Variants in PTK6 observed in about 807,000 individuals in gnomAD.
PTK6 encodes the protein protein-tyrosine kinase 6.
Under a neutral mutation model 47.5 loss-of-function variants are expected in PTK6, and 47 were observed. The observed-to-expected ratio is 0.99, with a 90% CI of 0.78 to 1.26. The LOEUF (loss-of-function observed/expected upper bound fraction) is 1.26. Ranked by LOEUF, PTK6 falls within the 50% of genes most tolerant of loss-of-function variation. PTK6 has a pLI of 0.00. For missense variants in PTK6, 618 were observed against 625.3 expected (o/e 0.99, Z 0.12); for synonymous variants, 287 against 276.5 (o/e 1.04, Z -0.38).
At position 63,529,357 on chromosome 20, in the gene PTK6, A is replaced by T; in HGVS notation, c.*179T>A. 3 of 651,350 alleles carry T rather than the reference A, an allele frequency of 4.6e-6. No individual in the cohort carries two copies. The highest frequency in any genetic ancestry group is 7.2e-6 in the Non-Finnish European group (3 of 414,102). 40.3% of individuals were successfully genotyped at this position (651,350 alleles called of 1,614,324 possible). On this transcript the variant is annotated 3_prime_UTR_variant, in exon 8 of 8. Coordinates refer to ENST00000542869, the MANE Select transcript of PTK6 (RefSeq NM_005975.4). This position sits in a 1 kb window ranked among gnomAD's most constrained non-coding sequence, Gnocchi z 5.6. ...GCAGCTGAGACCCAAGGCACACACG[A>T]TGGAGTAAGGAGAGGAGCACACGCG...
In PTK6 at chr20:63,537,067, G is replaced by A. The variant is rs1371989636; in HGVS notation, c.230+18C>T. The stretch of plus-strand genomic sequence containing the variant: ...AGGGTGGCCTGTGCCAAAGCTCCCA[G>A]CAGCCTAGGACACGCACGGTTCCGA... On this transcript the variant is annotated intron_variant, in intron 1 of 7. Coordinates refer to ENST00000542869, the MANE Select transcript of PTK6 (RefSeq NM_005975.4). The A allele has an allele frequency of 6.3e-7, 1 of 1,591,362 alleles. No homozygotes were observed. Among genetic ancestry groups the A allele is most frequent in the South Asian group, 1.1e-5 (1 of 88,156 alleles).
rs1337620471 is a variant in PTK6 at position 63,534,937 on chromosome 20, C to T, written c.352+1G>A. On this transcript the variant is annotated splice_donor_variant, in intron 2 of 7. Coordinates refer to ENST00000542869, the MANE Select transcript of PTK6 (RefSeq NM_005975.4). LOFTEE classifies it high-confidence loss of function. Reference sequence around the variant, plus strand: ...CACAGGCTCGGAGGCCGGGGCCGCACCCGACAGGACGTAGTCGGCACTCGG... The same window carrying T: ...CACAGGCTCGGAGGCCGGGGCCGCATCCGACAGGACGTAGTCGGCACTCGG... 1 of 1,595,294 alleles carries T rather than the reference C, an allele frequency of 6.3e-7. No homozygotes were observed. Among genetic ancestry groups the T allele is most frequent in the Admixed American group, 1.7e-5 (1 of 59,234 alleles).
chr20:63,537,038 C>T, intron 1 of PTK6, 47 bp downstream of exon 1: 11 of 1,545,612 alleles, frequency 7.1e-6, no homozygotes, highest in Non-Finnish European at 9.6e-6. Flanking sequence ...TCCCCTGTGC[C>T]TAGAGGGTGG....
chr20:63,535,834 G>GC (rs1362322038), intron 1 of PTK6, among the ~76,000 whole-genome samples: 2 of 18,562 alleles, frequency 1.1e-4, no homozygotes, highest in Admixed American at 1.1e-3. Flanking sequence ...CTGGCCTCCC[G>GC]CCCCCCCCCT....
At chr20:63,534,398 A>G in intron 2 of PTK6, 83 bp from the exon 3 acceptor site, 1 of 1,460,046 alleles carries the variant, frequency 6.8e-7, no homozygotes, top group Non-Finnish European at 9.1e-7. Flanking sequence ...ACACCTGCGC[A>G]GAGTTTCTGG....
At position 63,530,668 on chromosome 20, in the gene PTK6, A is replaced by T; in HGVS notation, c.1014+78T>A. On this transcript the variant is annotated intron_variant, in intron 6 of 7. Transcript: ENST00000542869. The surrounding 1 kb of genome is among the most constrained non-coding windows in gnomAD (Gnocchi z 4.1). ...GCATCCTGCTCCCAGCCGAGTCCCC[A>T]GCTCCACACACAGGAAGCCCCCAGC... The T allele has an allele frequency of 6.6e-7, 1 of 1,511,284 alleles. No individual in the cohort carries two copies. The highest frequency in any genetic ancestry group is 2.1e-5 in the Admixed American group (1 of 47,568). The allele number at this position is 1,511,284 out of a possible 1,614,324, so 93.6% of individuals were successfully genotyped here. A position where few individuals can be genotyped will look rare whatever the true frequency, so the allele number is the denominator to read the frequency against.
intron 2 of PTK6, 35 bp downstream of exon 2, chr20:63,534,902 CG>C: frequency 6.4e-7 from 1 of 1,567,294 alleles, no homozygotes; most frequent in Non-Finnish European, 8.7e-7. Context: ...CAGGAGCCCC[CG>C]CAGGCAAGCA....
intron 5 of PTK6, 119 bp downstream of exon 5, chr20:63,532,407 G>T: frequency 7.8e-7 from 1 of 1,276,956 alleles, no homozygotes; most frequent in Non-Finnish European, 1.1e-6. Context: ...GTGCATGTGT[G>T]TGTCTGTGTG....
Position 63,528,560 on chromosome 20 carries a change from C to G in PTK6, c.*976G>C, listed in dbSNP as rs939824666. ...TAGCTGGGACTACAGGCGCCCACCC[C>G]CACCACCACACCCAGCTAATTTTTT... On this transcript the variant is annotated 3_prime_UTR_variant, in exon 8 of 8. Coordinates refer to ENST00000542869, the MANE Select transcript of PTK6 (RefSeq NM_005975.4). The G allele has an allele frequency of 6.6e-6, 1 of 152,034 alleles. No homozygotes were observed. Among genetic ancestry groups the G allele is most frequent in the African/African-American group, 2.4e-5 (1 of 41,374 alleles). 9.4% of individuals were successfully genotyped at this position (152,034 alleles called of 1,614,324 possible).
At position 63,530,643 on chromosome 20, in the gene PTK6, G is replaced by A. The variant is rs2082610842; in HGVS notation, c.1014+103C>T. On this transcript the variant is annotated intron_variant, in intron 6 of 7. Coordinates refer to ENST00000542869, the MANE Select transcript of PTK6 (RefSeq NM_005975.4). This position sits in a 1 kb window ranked among gnomAD's most constrained non-coding sequence, Gnocchi z 4.1. ...GCCTGGGCTCCCGAGGGCAGGGGCC[G>A]CATCCTGCTCCCAGCCGAGTCCCCA... 1.7e-5 allele frequency: 24 copies of A among 1,385,118 alleles called. No homozygotes were observed. The highest frequency in any genetic ancestry group is 7.9e-5 in the South Asian group (6 of 75,488). 85.8% of individuals were successfully genotyped at this position (1,385,118 alleles called of 1,614,324 possible). A position where few individuals can be genotyped will look rare whatever the true frequency, so the allele number is the denominator to read the frequency against.
rs1387038117 is a variant in PTK6 at position 63,529,671 on chromosome 20, G to C, written c.1221C>G (p.Pro407=). The C allele has an allele frequency of 6.5e-7, 1 of 1,546,882 alleles. No individual in the cohort carries two copies. The highest frequency in any genetic ancestry group is 1.4e-5 in the African/African-American group (1 of 72,756). The change falls in exon 8 of 8, where the codon CCC becomes CCG. Residue 407 remains proline, a synonymous_variant. Transcript: ENST00000542869. This position sits in a 1 kb window ranked among gnomAD's most constrained non-coding sequence, Gnocchi z 5.6. ...FLRVDAGYRM[P]CPLECPPSVH... The stretch of plus-strand genomic sequence containing the variant: ...CGCTGGGCGGGCACTCCAGAGGGCA[G>C]GGCATGCGGTAGCCGGCGTCCACCC...
chr20:63,529,969 G>A lies in PTK6; in HGVS notation c.1168+109C>T, dbSNP rs1386706961. The stretch of plus-strand genomic sequence containing the variant: ...GTGTGGAGTTCAGGCGATGGCCCGC[G>A]GAGGGCCCTGAAGCCCGTGGGGGAG... On this transcript the variant is annotated intron_variant, in intron 7 of 7. Coordinates refer to ENST00000542869, the MANE Select transcript of PTK6 (RefSeq NM_005975.4). The surrounding 1 kb of genome is among the most constrained non-coding windows in gnomAD (Gnocchi z 5.6). The A allele has an allele frequency of 2.8e-5, 38 of 1,376,464 alleles. No individual in the cohort carries two copies. The highest frequency in any genetic ancestry group is 3.9e-4 in the Middle Eastern group (2 of 5,124). 85.3% of individuals were successfully genotyped at this position (1,376,464 alleles called of 1,614,324 possible).
rs1356610633 is a variant in PTK6, at chr20:63,533,869, C to T, written c.517-165G>A. On this transcript the variant is annotated intron_variant, in intron 3 of 7. Transcript: ENST00000542869. The surrounding 1 kb of genome is among the most constrained non-coding windows in gnomAD (Gnocchi z 4.0). ...CAAGGGTGGACTCTCCTGGGGGCTG[C>T]CCCCAGCCCAGCATGAAACACCCAG... Among the ~76,000 whole-genome samples, 3 of 152,108 alleles carry T rather than the reference C, an allele frequency of 2.0e-5. No individual in the cohort carries two copies. Among genetic ancestry groups the T allele is most frequent in the East Asian group, 1.9e-4 (1 of 5,182 alleles).
Position 63,532,601 on chromosome 20 carries a change from C to A in PTK6, c.757G>T (p.Val253Leu). Reference protein sequence around the residue: ...RHKHILALYAVVSVGDPVYII... With the variant: ...RHKHILALYALVSVGDPVYII... The stretch of plus-strand genomic sequence containing the variant: ...TACACGGGGTCCCCCACGGACACCA[C>A]GGCGTACAGCGCCAGGATGTGTTTG... The change falls in exon 5 of 8, where the codon GTG becomes TTG. Residue 253 changes from valine (V) to leucine (L), a missense_variant. By Grantham distance (32) the Val-to-Leu change is conservative. Coordinates refer to ENST00000542869, the MANE Select transcript of PTK6 (RefSeq NM_005975.4). 5 of 1,614,100 alleles carry A rather than the reference C, an allele frequency of 3.1e-6. No homozygotes were observed. Among genetic ancestry groups the A allele is most frequent in the Non-Finnish European group, 4.2e-6 (5 of 1,180,006 alleles).
rs56145017 is a variant in PTK6 at position 63,529,586 on chromosome 20, C to T, written c.1306G>A (p.Ala436Thr). ...RDPEQRPCFK[A>T]LRERLSSFTS... Reference sequence around the variant, plus strand: ...AAGCTGGAGAGCCTCTCCCGCAGGGCCTTGAAGCAGGGTCTCTGCTCGGGG... The same window carrying T: ...AAGCTGGAGAGCCTCTCCCGCAGGGTCTTGAAGCAGGGTCTCTGCTCGGGG... Residue 436 changes from alanine to threonine, a missense_variant, in exon 8 of 8, where the codon GCC (alanine) becomes ACC (threonine). Ala to Thr is a moderately conservative substitution (Grantham distance 58). Coordinates refer to ENST00000542869, the MANE Select transcript of PTK6 (RefSeq NM_005975.4). This position sits in a 1 kb window ranked among gnomAD's most constrained non-coding sequence, Gnocchi z 5.6. 5.6e-4 allele frequency: 875 copies of T among 1,574,530 alleles called. 4 individuals are homozygous for T. The highest frequency in any genetic ancestry group is 7.1e-5 in the Non-Finnish European group (82 of 1,160,010).
In PTK6 at chr20:63,529,506, A is replaced by G; in HGVS notation, c.*30T>C. ...CCCTCTGCCCAGGCCCCTCCTCAGC[A>G]GGGCCCGGCCATGCCCGCTCCACAG... On this transcript the variant is annotated 3_prime_UTR_variant, in exon 8 of 8. Transcript: ENST00000542869. The surrounding 1 kb of genome is among the most constrained non-coding windows in gnomAD (Gnocchi z 5.6). The G allele has an allele frequency of 6.6e-7, 1 of 1,519,996 alleles. No individual in the cohort carries two copies. Among genetic ancestry groups the G allele is most frequent in the Admixed American group, 2.3e-5 (1 of 43,932 alleles). 94.2% of individuals were successfully genotyped at this position (1,519,996 alleles called of 1,614,324 possible).
rs375479783 is a variant in PTK6, at chr20:63,537,072, C to T, written c.230+13G>A. 1.9e-6 allele frequency: 3 copies of T among 1,598,964 alleles called. No homozygotes were observed. The highest frequency in any genetic ancestry group is 2.3e-5 in the South Asian group (2 of 88,832). On this transcript the variant is annotated intron_variant, in intron 1 of 7. Coordinates refer to ENST00000542869, the MANE Select transcript of PTK6 (RefSeq NM_005975.4). The stretch of plus-strand genomic sequence containing the variant: ...GGCCTGTGCCAAAGCTCCCAGCAGC[C>T]TAGGACACGCACGGTTCCGACTCCA...
At chr20:63,535,080 A>G in intron 1 of PTK6, 21 bp from the exon 2 acceptor site, 1 of 1,581,652 alleles carries the variant, frequency 6.3e-7, no homozygotes, top group Middle Eastern at 1.7e-4. Context: ...GGAGTCTGAG[A>G]ACACGCGGAC....
intron 2 of PTK6, 149 bp from the exon 3 acceptor site, chr20:63,534,464 A>G (rs2082649030): frequency 1.5e-5 from 16 of 1,091,332 alleles, no homozygotes; most frequent in Non-Finnish European, 1.9e-5. Context: ...CCCCTCCCTC[A>G]GAACGGCTCC....
Sources: gnomAD v4.1 joint callset for allele counts (sites outside exome capture counted in the v4.1 genomes callset) on GRCh38, gnomAD v4.1.1 for gene constraint, Gnocchi (gnomAD v3.1) non-coding constraint, MANE v1.5 for transcripts, NCBI Gene and HGNC (gene_info 2026-07-23, HGNC 2026-07-21) for gene names.